Variants in PPIF observed in about 807,000 individuals in gnomAD.
PPIF encodes peptidyl-prolyl cis-trans isomerase F, mitochondrial.
PPIF carries 23 observed loss-of-function variants against 20.2 expected under a neutral mutation model. The ratio of observed to expected loss-of-function variants is 1.14; its 90% CI spans 0.82 to 1.61. The LOEUF (loss-of-function observed/expected upper bound fraction) is 1.61, where lower values mean the gene tolerates loss of function less well. Ranked by LOEUF, PPIF falls within the 40% of genes most tolerant of loss-of-function variation. The pLI, the probability that PPIF is intolerant of heterozygous loss-of-function variation, is 0.00. For synonymous variants in PPIF, 113 were observed against 123.1 expected, an observed-to-expected ratio of 0.92 and a Z score of 0.54; for missense variants, 287 against 291.6, an observed-to-expected ratio of 0.98 and a Z score of 0.11.
Position 79,354,625 on chromosome 10 carries a change from C to T in PPIF, c.*783C>T, listed in dbSNP as rs1856025637. ...GATTTTTCTGTGTGTTAAAGAAATT[C>T]AATCTACTCATGATGTGTTATGCAT... On this transcript the variant is annotated 3_prime_UTR_variant, in exon 6 of 6. Transcript: ENST00000225174. 6.5e-6 allele frequency: 1 copy of T among 152,792 alleles called. No individual in the cohort carries two copies. Among genetic ancestry groups the T allele is most frequent in the Admixed American group, 6.5e-5 (1 of 15,278 alleles). 9.5% of individuals were successfully genotyped at this position (152,792 alleles called of 1,614,324 possible).
chr10:79,347,659 G>A lies in PPIF; in HGVS notation c.111G>A (p.Pro37=). The A allele has an allele frequency of 6.8e-7, 1 of 1,470,550 alleles. No individual in the cohort carries two copies. The highest frequency in any genetic ancestry group is 1.3e-5 in the South Asian group (1 of 75,358). The allele number at this position is 1,470,550 out of a possible 1,614,324, so 91.1% of individuals were successfully genotyped here. ...CCTGCAGCAAGGGCTCCGGCGACCCGTCCTCTTCCTCCTCCTCCGGGAACC... is the reference window on the plus strand; with the variant it reads ...CCTGCAGCAAGGGCTCCGGCGACCCATCCTCTTCCTCCTCCTCCGGGAACC... ...ARACSKGSGD[P]SSSSSSGNPL... The change falls in exon 1 of 6, where the codon CCG becomes CCA. Residue 37 remains proline (P), a synonymous_variant. Coordinates refer to ENST00000225174, the MANE Select transcript of PPIF (RefSeq NM_005729.4).
Position 79,347,629 on chromosome 10 carries a change from C to T in PPIF, c.81C>T (p.Ala27=). Residue 27 remains alanine, a synonymous_variant, in exon 1 of 6, where the codon GCC becomes GCT. Coordinates refer to ENST00000225174, the MANE Select transcript of PPIF (RefSeq NM_005729.4). ...PRSVPLRLPA[A]RACSKGSGDP... ...CCGTGCCGCTGCGCCTCCCCGCGGC[C>T]CGCGCCTGCAGCAAGGGCTCCGGCG... 1 of 1,450,888 alleles carries T rather than the reference C, an allele frequency of 6.9e-7. No homozygotes were observed. Among genetic ancestry groups the T allele is most frequent in the Non-Finnish European group, 9.1e-7 (1 of 1,097,406 alleles). The allele number at this position is 1,450,888 out of a possible 1,614,324, so 89.9% of individuals were successfully genotyped here.
At position 79,352,399 on chromosome 10, in the gene PPIF, T is replaced by TC. The variant is rs1564624269; in HGVS notation, c.488+10dup. The TC allele has an allele frequency of 8.7e-6, 14 of 1,612,814 alleles. No homozygotes were observed. Among genetic ancestry groups the TC allele is most frequent in the Non-Finnish European group, 1.2e-5 (14 of 1,178,834 alleles). On this transcript the variant is annotated splice_region_variant and intron_variant, in intron 5 of 5. Transcript: ENST00000225174. ...GCACCATAAAGACAGACTGGTGAGTTCCCTGCCCCAGGCCCTCTGGGAATG... is the reference window on the plus strand; with the variant it reads ...GCACCATAAAGACAGACTGGTGAGTTCCCCTGCCCCAGGCCCTCTGGGAATG...
intron 1 of PPIF, 117 bp downstream of exon 1, chr10:79,347,860 T>C (rs1015277941): frequency 5.8e-5 from 71 of 1,221,064 alleles, no homozygotes; most frequent in Non-Finnish European, 7.0e-5. Flanking sequence ...CATGCCGAGC[T>C]CTGGGCCTCA....
intron 1 of PPIF, among the ~76,000 whole-genome samples, chr10:79,348,425 A>G (rs1448966192): frequency 6.6e-6 from 1 of 152,202 alleles, no homozygotes; most frequent in Non-Finnish European, 1.5e-5. Flanking sequence ...CAAAGTAAGA[A>G]ACAGTCACCA....
chr10:79,347,504 G>C lies in PPIF; in HGVS notation c.-45G>C. On this transcript the variant is annotated 5_prime_UTR_variant, in exon 1 of 6. Coordinates refer to ENST00000225174, the MANE Select transcript of PPIF (RefSeq NM_005729.4). The stretch of plus-strand genomic sequence containing the variant: ...CTGGGCGCGCGCGACGTCAGTTTGA[G>C]TTCTGTGTTCTCCCCGCCCGTGTCC... The C allele has an allele frequency of 7.9e-7, 1 of 1,272,450 alleles. No homozygotes were observed. The highest frequency in any genetic ancestry group is 9.9e-7 in the Non-Finnish European group (1 of 1,012,302). 78.8% of individuals were successfully genotyped at this position (1,272,450 alleles called of 1,614,324 possible).
In PPIF at chr10:79,347,661, C is replaced by T. The variant is rs1028718079; in HGVS notation, c.113C>T (p.Ser38Phe). 6.8e-6 allele frequency: 10 copies of T among 1,471,946 alleles called. No individual in the cohort carries two copies. The African/African-American group carries it at 1.5e-4, about 22-fold the overall frequency. 91.2% of individuals were successfully genotyped at this position (1,471,946 alleles called of 1,614,324 possible). ...TGCAGCAAGGGCTCCGGCGACCCGT[C>T]CTCTTCCTCCTCCTCCGGGAACCCG... ...RACSKGSGDP[S>F]SSSSSGNPLV... Residue 38 changes from serine to phenylalanine, a missense_variant, in exon 1 of 6, where the codon TCC becomes TTC. Transcript: ENST00000225174.
At position 79,347,560 on chromosome 10, in the gene PPIF, G is replaced by A; in HGVS notation, c.12G>A (p.Leu4=). The A allele has an allele frequency of 1.5e-6, 2 of 1,343,990 alleles. No homozygotes were observed. Among genetic ancestry groups the A allele is most frequent in the South Asian group, 1.9e-5 (1 of 52,986 alleles). The allele number at this position is 1,343,990 out of a possible 1,614,324, so 83.3% of individuals were successfully genotyped here. A position where few individuals can be genotyped will look rare whatever the true frequency, so the allele number is the denominator to read the frequency against. MLA[L]RCGSRWLGLL... ...GACCCGCGCCCGCGATGCTGGCGCT[G>A]CGCTGCGGCTCCCGCTGGCTCGGCC... is the stretch of plus-strand genomic sequence containing the variant. Residue 4 remains leucine, a synonymous_variant, in exon 1 of 6, where the codon CTG becomes CTA. Coordinates refer to ENST00000225174, the MANE Select transcript of PPIF (RefSeq NM_005729.4).
At chr10:79,352,975 C>T (rs935253127) in intron 5 of PPIF, among the ~76,000 whole-genome samples, 1 of 152,232 alleles carries the variant, frequency 6.6e-6, no homozygotes, top group African/African-American at 2.4e-5. Context: ...TTTCTCTGGC[C>T]AGAGTCCCAA....
intron 2 of PPIF, 54 bp downstream of exon 2, chr10:79,349,160 C>A (rs1202972251): frequency 6.2e-6 from 10 of 1,613,304 alleles, no homozygotes; most frequent in Non-Finnish European, 8.5e-6. Flanking sequence ...GGGGGCCAGG[C>A]AGGGCAAGGT....
rs1856019163 is a variant in PPIF, at chr10:79,354,165, A to G, written c.*323A>G. The stretch of plus-strand genomic sequence containing the variant: ...GGTGATGGTGATGGGTTGCCATCCA[A>G]GTGAAAGTCTTTTCCTTGACCAAGG... On this transcript the variant is annotated 3_prime_UTR_variant, in exon 6 of 6. Coordinates refer to ENST00000225174, the MANE Select transcript of PPIF (RefSeq NM_005729.4). The G allele has an allele frequency of 3.0e-6, 1 of 336,752 alleles. No homozygotes were observed. The highest frequency in any genetic ancestry group is 4.2e-5 in the South Asian group (1 of 23,964). The allele number at this position is 336,752 out of a possible 1,614,324, so 20.9% of individuals were successfully genotyped here. A position where few individuals can be genotyped will look rare whatever the true frequency, so the allele number is the denominator to read the frequency against.
intron 1 of PPIF, 144 bp from the exon 2 acceptor site, chr10:79,348,932 G>T (rs952240166): frequency 1.9e-6 from 3 of 1,584,114 alleles, no homozygotes; most frequent in Non-Finnish European, 2.6e-6. Context: ...TCCCATGGGG[G>T]TTGGCAATAA....
intron 5 of PPIF, among the ~76,000 whole-genome samples, chr10:79,353,244 C>A (rs574891237): frequency 6.6e-6 from 1 of 152,230 alleles, no homozygotes; most frequent in African/African-American, 2.4e-5. Flanking sequence ...TGGACTGAGC[C>A]GCCTTTTACA....
In PPIF at chr10:79,347,691, T is replaced by TGA. The variant is rs1307023328; in HGVS notation, c.144_145insAG (p.Tyr49SerfsTer19). ...TCCTCCTCCTCCGGGAACCCGCTCG[T>TGA]GTACCTGGACGTGGACGCCAACGGG... is the stretch of plus-strand genomic sequence containing the variant. On this transcript the variant is annotated frameshift_variant, in exon 1 of 6. Coordinates refer to ENST00000225174, the MANE Select transcript of PPIF (RefSeq NM_005729.4). LOFTEE classifies it high-confidence loss of function. The TGA allele has an allele frequency of 6.7e-7, 1 of 1,482,850 alleles. No homozygotes were observed. The highest frequency in any genetic ancestry group is 2.9e-5 in the East Asian group (1 of 35,010). 91.9% of individuals were successfully genotyped at this position (1,482,850 alleles called of 1,614,324 possible).
intron 5 of PPIF, among the ~76,000 whole-genome samples, chr10:79,353,228 T>C (rs1023834260): frequency 6.6e-6 from 1 of 150,856 alleles, no homozygotes; most frequent in Non-Finnish European, 1.5e-5. Context: ...CCAGCTTCGC[T>C]GGAGCTGGAC....
chr10:79,347,491 G>T lies in PPIF; in HGVS notation c.-58G>T, dbSNP rs1855911644. The T allele has an allele frequency of 8.0e-7, 1 of 1,253,856 alleles. No homozygotes were observed. The highest frequency in any genetic ancestry group is 3.0e-5 in the South Asian group (1 of 33,390). The allele number at this position is 1,253,856 out of a possible 1,614,324, so 77.7% of individuals were successfully genotyped here. On this transcript the variant is annotated 5_prime_UTR_variant, in exon 1 of 6. Coordinates refer to ENST00000225174, the MANE Select transcript of PPIF (RefSeq NM_005729.4). ...GGGACTCGGCCTTCTGGGCGCGCGCGACGTCAGTTTGAGTTCTGTGTTCTC... is the reference window on the plus strand; with the variant it reads ...GGGACTCGGCCTTCTGGGCGCGCGCTACGTCAGTTTGAGTTCTGTGTTCTC...
chr10:79,349,341 G>T (rs959142987), intron 2 of PPIF, among the ~76,000 whole-genome samples: 1 of 152,224 alleles, frequency 6.6e-6, no homozygotes, highest in Non-Finnish European at 1.5e-5. Context: ...CCAGTGGAAG[G>T]CACATGTAAA....
chr10:79,352,454 G>A (rs1008112594), intron 5 of PPIF, 62 bp downstream of exon 5: 17 of 1,549,510 alleles, frequency 1.1e-5, no homozygotes, highest in Middle Eastern at 1.7e-4. Flanking sequence ...AGGAGGATTC[G>A]TGCACTTTTA....
intron 5 of PPIF, 70 bp from the exon 6 acceptor site, chr10:79,353,637 A>G (rs1358579676): frequency 2.5e-6 from 4 of 1,610,870 alleles, no homozygotes; most frequent in South Asian, 1.1e-5. Flanking sequence ...AACTAATTCC[A>G]TGACCAGGTC....
Sources: allele counts gnomAD v4.1 joint callset (sites outside exome capture counted in the v4.1 genomes callset), GRCh38; gene constraint gnomAD v4.1.1; transcripts MANE v1.5; gene names NCBI Gene and HGNC (gene_info 2026-07-23, HGNC 2026-07-21).